Variants in PLEKHB1 observed in about 807,000 individuals in gnomAD.
The protein encoded by PLEKHB1 is pleckstrin homology domain-containing family B member 1.
A neutral mutation model predicts 36.2 loss-of-function variants in PLEKHB1; 29 were observed. The observed-to-expected ratio is 0.80, with a 90% CI of 0.60 to 1.09. The LOEUF (loss-of-function observed/expected upper bound fraction) is 1.09, where lower values mean the gene tolerates loss of function less well. PLEKHB1 is among the 50% of genes least tolerant of loss of function. The pLI is 0.00. For synonymous variants in PLEKHB1, 138 were observed against 140.0 expected, an observed-to-expected ratio of 0.99 and a Z score of 0.10; for missense variants, 330 against 348.2, an observed-to-expected ratio of 0.95 and a Z score of 0.42.
intron 5 of PLEKHB1, chr11:73,653,352 ATTG>A (rs1944935524): frequency 5.3e-6 from 3 of 569,212 alleles, no homozygotes; most frequent in Non-Finnish European, 1.0e-5. Flanking sequence ...AGTTGGGGTT[ATTG>A]TTCTCTCTCT....
In PLEKHB1 at chr11:73,651,855, C is replaced by T. The variant is rs559922196; in HGVS notation, c.315C>T (p.Arg105=). The change falls in exon 4 of 8, where the codon CGC becomes CGT. Residue 105 remains arginine (R), a synonymous_variant. Coordinates refer to ENST00000354190, the MANE Select transcript of PLEKHB1 (RefSeq NM_021200.3). ...CTGTGAACCTACGGGAAGGCGGCCG[C>T]CTGCACCTCTGTGCGGAGACCAAGG... The part of the protein sequence containing the change: ...LLTVNLREGG[R]LHLCAETKDD... 1.2e-6 allele frequency: 2 copies of T among 1,613,638 alleles called. No individual in the cohort carries two copies. The highest frequency in any genetic ancestry group is 1.1e-5 in the South Asian group (1 of 91,076).
At chr11:73,648,108 G>A in intron 1 of PLEKHB1, 2 of 408,958 alleles carry the variant, frequency 4.9e-6, no homozygotes, top group Non-Finnish European at 6.6e-6. Flanking sequence ...AGAATGTGCG[G>A]TGACGTCCAA....
chr11:73,646,697 G>A lies in PLEKHB1; in HGVS notation c.18+71G>A, dbSNP rs1001331057. 7 of 1,499,156 alleles carry A rather than the reference G, an allele frequency of 4.7e-6. 1 individual carries two copies. In the Admixed American group the frequency reaches 7.9e-5, roughly 17 times the overall value. The allele number at this position is 1,499,156 out of a possible 1,614,324, so 92.9% of individuals were successfully genotyped here. A position where few individuals can be genotyped will look rare whatever the true frequency, so the allele number is the denominator to read the frequency against. On this transcript the variant is annotated intron_variant, in intron 1 of 7. Coordinates refer to ENST00000354190, the MANE Select transcript of PLEKHB1 (RefSeq NM_021200.3). ...TGGGCACCCTTGCCACATAGGGGACGGGACAGAAGTCTTTTAGGCCCTGAC... is the reference window on the plus strand; with the variant it reads ...TGGGCACCCTTGCCACATAGGGGACAGGACAGAAGTCTTTTAGGCCCTGAC...
At chr11:73,654,033 A>AC (rs2134812705) in intron 5 of PLEKHB1, among the ~76,000 whole-genome samples, 1 of 151,654 alleles carries the variant, frequency 6.6e-6, no homozygotes, top group Non-Finnish European at 1.5e-5. Context: ...AAAAAGGAAA[A>AC]AAAAAAAGAT....
intron 5 of PLEKHB1, among the ~76,000 whole-genome samples, chr11:73,654,960 G>A (rs1944963877): frequency 6.6e-6 from 1 of 152,178 alleles, no homozygotes; most frequent in African/African-American, 2.4e-5. Context: ...GGGTGAATTG[G>A]AGAAAGCTGG....
chr11:73,649,063 A>T lies in PLEKHB1; in HGVS notation c.70A>T (p.Arg24Trp). Residue 24 changes from arginine to tryptophan, a missense_variant, in exon 2 of 8, where the codon AGG (arginine) becomes TGG (tryptophan). Arg to Trp is a moderately radical substitution (Grantham distance 101, BLOSUM62 -3). Transcript: ENST00000354190. Reference sequence around the variant, plus strand: ...TCCTTTTGAAGAAATGGCCCTGGTGAGGGGCGGCTGGCTGTGGAGACAGAG... The same window carrying T: ...TCCTTTTGAAGAAATGGCCCTGGTGTGGGGCGGCTGGCTGTGGAGACAGAG... ...ESPFEEMALV[R>W]GGWLWRQSSI... 4 of 1,600,862 alleles carry T rather than the reference A, an allele frequency of 2.5e-6. No homozygotes were observed. Among genetic ancestry groups the T allele is most frequent in the Non-Finnish European group, 3.4e-6 (4 of 1,173,794 alleles).
intron 6 of PLEKHB1, among the ~76,000 whole-genome samples, chr11:73,658,514 C>T (rs1238658600): frequency 6.6e-6 from 1 of 152,218 alleles, no homozygotes; most frequent in East Asian, 1.9e-4. Context: ...GGCAGAAGAA[C>T]ACATTTAGAA....
rs1392019589 is a variant in PLEKHB1, at chr11:73,646,625, C to T, written c.17C>T (p.Pro6Leu). 6.4e-6 allele frequency: 10 copies of T among 1,551,332 alleles called. No individual in the cohort carries two copies. The highest frequency in any genetic ancestry group is 4.1e-5 in the African/African-American group (3 of 72,988). MSPAA[P>L]VPPDSALESP... ...CCAGGAACCATGAGCCCTGCAGCCCCGGTAAGGAAGAGTTCTCTGGGACAG... is the reference window on the plus strand; with the variant it reads ...CCAGGAACCATGAGCCCTGCAGCCCTGGTAAGGAAGAGTTCTCTGGGACAG... The change falls in exon 1 of 8, where the codon CCG becomes CTG. Residue 6 changes from proline to leucine, a missense_variant and splice_region_variant. Pro to Leu is a moderately conservative substitution (Grantham distance 98). Transcript: ENST00000354190.
chr11:73,648,665 C>T, intron 1 of PLEKHB1: 1 of 1,031,598 alleles, frequency 9.7e-7, no homozygotes, highest in Non-Finnish European at 1.2e-6. Context: ...CTCCTCCCTC[C>T]AGCCTCTGCC....
intron 6 of PLEKHB1, among the ~76,000 whole-genome samples, chr11:73,658,626 T>C (rs371511048): frequency 6.6e-6 from 1 of 152,150 alleles, no homozygotes; most frequent in African/African-American, 2.4e-5. Context: ...TTTCTTTCTT[T>C]CTTTTTTTGA....
chr11:73,652,769 A>T (rs1195899824), intron 4 of PLEKHB1: 2 of 514,482 alleles, frequency 3.9e-6, no homozygotes, highest in Non-Finnish European at 6.9e-6. Context: ...GGACGAGAAG[A>T]ATGAATTAGC....
Position 73,661,495 on chromosome 11 carries a change from G to T in PLEKHB1, c.625G>T (p.Glu209Ter), listed in dbSNP as rs377039938. ...GPGVTHVIVREDPCYSAGAPL... is the reference protein window; with the variant it reads ...GPGVTHVIVR ...TGGCGTGACGCACGTGATAGTGCGG[G>T]AGGATCCCTGCTACAGCGCCGGCGC... is the stretch of plus-strand genomic sequence containing the variant. Residue 209 changes from glutamate to a stop codon, truncating the protein, a stop_gained, in exon 8 of 8, where the codon GAG (glutamate) becomes TAG (stop). Coordinates refer to ENST00000354190, the MANE Select transcript of PLEKHB1 (RefSeq NM_021200.3). LOFTEE classifies it high-confidence loss of function. This position sits in a 1 kb window ranked among gnomAD's most constrained non-coding sequence, Gnocchi z 4.6. The T allele has an allele frequency of 1.2e-6, 2 of 1,613,790 alleles. No homozygotes were observed. The highest frequency in any genetic ancestry group is 2.2e-5 in the South Asian group (2 of 91,088).
At chr11:73,650,848 A>T (rs1047457527) in intron 3 of PLEKHB1, 143 bp downstream of exon 3, 3 of 1,048,778 alleles carry the variant, frequency 2.9e-6, no homozygotes, top group Non-Finnish European at 4.0e-6. Context: ...GTCAACTCCA[A>T]TTCAGTTTGG....
At chr11:73,659,823 C>G (rs1282245484) in intron 6 of PLEKHB1, among the ~76,000 whole-genome samples, 1 of 152,132 alleles carries the variant, frequency 6.6e-6, no homozygotes, top group African/African-American at 2.4e-5. Context: ...TCATGTGGAG[C>G]TAATACCTGC....
intron 4 of PLEKHB1, 80 bp from the exon 5 acceptor site, chr11:73,652,895 G>C: frequency 2.4e-6 from 3 of 1,262,990 alleles, no homozygotes; most frequent in Non-Finnish European, 3.4e-6. Context: ...CTGGGTTGGA[G>C]AGGAAAGTCT....
intron 6 of PLEKHB1, 118 bp from the exon 7 acceptor site, chr11:73,660,635 T>G: frequency 1.0e-6 from 1 of 955,634 alleles, no homozygotes; most frequent in Non-Finnish European, 1.6e-6. Context: ...GGAGGCCCAT[T>G]TCTAAACTTG....
rs949575908 is a variant in PLEKHB1, at chr11:73,661,681, C to G, written c.*79C>G. 1.3e-6 allele frequency: 2 copies of G among 1,489,840 alleles called. No individual in the cohort carries two copies. The highest frequency in any genetic ancestry group is 4.6e-5 in the East Asian group (2 of 43,134). The allele number at this position is 1,489,840 out of a possible 1,614,324, so 92.3% of individuals were successfully genotyped here. A position where few individuals can be genotyped will look rare whatever the true frequency, so the allele number is the denominator to read the frequency against. ...CTCCTGGACCCCATCCTCTACCATC[C>G]AAGCCCTGTCCCACTTTGGCCCTAT... On this transcript the variant is annotated 3_prime_UTR_variant, in exon 8 of 8. Coordinates refer to ENST00000354190, the MANE Select transcript of PLEKHB1 (RefSeq NM_021200.3). The surrounding 1 kb of genome is among the most constrained non-coding windows in gnomAD (Gnocchi z 4.6).
At chr11:73,650,346 C>T (rs1044828721) in intron 2 of PLEKHB1, among the ~76,000 whole-genome samples, 3 of 152,174 alleles carry the variant, frequency 2.0e-5, no homozygotes, top group Non-Finnish European at 2.9e-5. Context: ...GCACGTGTAT[C>T]GAGCTTCTGC....
At chr11:73,648,942 C>CG in intron 1 of PLEKHB1, 70 bp from the exon 2 acceptor site, 5 of 1,535,396 alleles carry the variant, frequency 3.3e-6, no homozygotes, top group Non-Finnish European at 4.4e-6. Context: ...TCCCCAGGGA[C>CG]GGCAGGGCTG....
Sources: allele counts gnomAD v4.1 joint callset (sites outside exome capture counted in the v4.1 genomes callset), GRCh38; gene constraint gnomAD v4.1.1; non-coding constraint Gnocchi (gnomAD v3.1); transcripts MANE v1.5; gene names NCBI Gene and HGNC (gene_info 2026-07-23, HGNC 2026-07-21).